Variants in TAPT1 observed in about 807,000 individuals in gnomAD.
TAPT1 encodes the protein transmembrane anterior posterior transformation protein 1 homolog.
TAPT1 carries 28 observed loss-of-function variants against 65.6 expected under a neutral mutation model. The ratio of observed to expected loss-of-function variants is 0.43; its 90% CI spans 0.32 to 0.59. TAPT1 has a LOEUF of 0.59. Among genes scored for constraint, TAPT1 ranks in the 20% least tolerant of loss-of-function variants. TAPT1 has a pLI of 0.09. For synonymous variants in TAPT1, 278 were observed against 245.2 expected (o/e 1.13, Z -1.25); for missense variants, 563 against 679.9 (o/e 0.83, Z 1.91).
In TAPT1 at chr4:16,226,269, C is replaced by A; in HGVS notation, c.189G>T (p.Arg63=). The change falls in exon 1 of 14, where the codon CGG becomes CGT. Residue 63 remains arginine, a synonymous_variant. Coordinates refer to ENST00000405303, the MANE Select transcript of TAPT1 (RefSeq NM_153365.3). ...CGCCGCCCGCCTCACCTGTGCGGCC[C>A]CGGCGCCTCTCCCGCCGCCGGTCGC... ...YESDRRRERR[R]GRTELSLLRF... is the part of the protein sequence containing the mutation. 1.8e-6 allele frequency: 2 copies of A among 1,124,602 alleles called. No individual in the cohort carries two copies. The highest frequency in any genetic ancestry group is 4.3e-5 in the South Asian group (1 of 23,472). The allele number at this position is 1,124,602 out of a possible 1,614,324, so 69.7% of individuals were successfully genotyped here.
rs749192598 is a variant in TAPT1, at chr4:16,166,704, G to A, written c.1403C>T (p.Ser468Leu). 7 of 1,613,828 alleles carry A rather than the reference G, an allele frequency of 4.3e-6. No individual in the cohort carries two copies. Among genetic ancestry groups the A allele is most frequent in the African/African-American group, 2.7e-5 (2 of 74,902 alleles). Residue 468 changes from serine (S) to leucine (L), a missense_variant, in exon 13 of 14, where the codon TCG becomes TTG. By Grantham distance (145) the Ser-to-Leu change is moderately radical. Coordinates refer to ENST00000405303, the MANE Select transcript of TAPT1 (RefSeq NM_153365.3). ...VKEAKMEEKL[S>L]NPPATCTPGK... ...TGGAGTGCAGGTTGCGGGAGGATTC[G>A]ACAGCTTCTCTTCCATTTTGGCTTC... is the stretch of plus-strand genomic sequence containing the variant.
At chr4:16,226,626 GGCCGCTGCCGCC>G, upstream of TAPT1, 1 of 256,668 alleles carries the variant, frequency 3.9e-6, no homozygotes, top group Non-Finnish European at 6.1e-6. Context: ...ACGCGTGTGA[GGCCGCTGCCGCC>G]GCCGCCGCCG....
chr4:16,172,347 C>A (rs1219449950), intron 11 of TAPT1, among the ~76,000 whole-genome samples: 4 of 150,250 alleles, frequency 2.7e-5, no homozygotes, highest in African/African-American at 7.4e-5. Context: ...ACCATCTGAC[C>A]AATCCTTACA....
Position 16,179,665 on chromosome 4 carries a change from A to G in TAPT1, c.917-8T>C. 1 of 1,463,966 alleles carries G rather than the reference A, an allele frequency of 6.8e-7. No homozygotes were observed. The highest frequency in any genetic ancestry group is 9.2e-7 in the Non-Finnish European group (1 of 1,081,730). The allele number at this position is 1,463,966 out of a possible 1,614,324, so 90.7% of individuals were successfully genotyped here. A position where few individuals can be genotyped will look rare whatever the true frequency, so the allele number is the denominator to read the frequency against. ...TGAATCGTTCCTTAATATCTAAAAG[A>G]AAAAAAATCAACATAAGTACTGTAG... On this transcript the variant is annotated splice_polypyrimidine_tract_variant and splice_region_variant and intron_variant, in intron 7 of 13. Coordinates refer to ENST00000405303, the MANE Select transcript of TAPT1 (RefSeq NM_153365.3).
chr4:16,166,291 C>T (rs564445759), intron 13 of TAPT1, among the ~76,000 whole-genome samples: 1 of 152,356 alleles, frequency 6.6e-6, no homozygotes, highest in Non-Finnish European at 1.5e-5. Flanking sequence ...CTCTGCAGTT[C>T]CCCGTCACTT....
intron 7 of TAPT1, among the ~76,000 whole-genome samples, chr4:16,182,559 A>T (rs530019965): frequency 6.6e-6 from 1 of 152,366 alleles, no homozygotes; most frequent in South Asian, 2.1e-4. Flanking sequence ...AAAATGAGTG[A>T]CTATTTCCAA....
chr4:16,173,324 T>C (rs1413886925), intron 11 of TAPT1, among the ~76,000 whole-genome samples: 1 of 152,170 alleles, frequency 6.6e-6, no homozygotes, highest in African/African-American at 2.4e-5. Flanking sequence ...TGCAAGCCTG[T>C]TGTGGGCAAT....
chr4:16,187,443 T>C (rs1432164627), intron 5 of TAPT1, among the ~76,000 whole-genome samples: 1 of 152,226 alleles, frequency 6.6e-6, no homozygotes, highest in Non-Finnish European at 1.5e-5. Context: ...ATTATATTTG[T>C]ATTACATACA....
chr4:16,212,046 T>C (rs1313107820), intron 2 of TAPT1, among the ~76,000 whole-genome samples: 2 of 152,240 alleles, frequency 1.3e-5, no homozygotes, highest in Admixed American at 6.5e-5. Context: ...AGCCTGTCTC[T>C]GCTGAGGTAA....
At chr4:16,190,634 C>T (rs549948600) in intron 4 of TAPT1, 7 of 154,514 alleles carry the variant, frequency 4.5e-5, no homozygotes, top group Middle Eastern at 6.0e-4. Flanking sequence ...GCCACCGTGC[C>T]GGCCTGCAAT....
chr4:16,167,932 A>G (rs1223413519), intron 12 of TAPT1, among the ~76,000 whole-genome samples: 2 of 152,188 alleles, frequency 1.3e-5, no homozygotes, highest in Non-Finnish European at 2.9e-5. Flanking sequence ...GTTTCTGATT[A>G]AGAAAACACA....
intron 11 of TAPT1, among the ~76,000 whole-genome samples, chr4:16,173,641 G>C (rs1024355609): frequency 2.0e-5 from 3 of 152,200 alleles, no homozygotes; most frequent in African/African-American, 7.2e-5. Context: ...ACCACTGATA[G>C]AGAATATGTC....
At chr4:16,213,708 ATAAT>A in intron 2 of TAPT1, 56 bp downstream of exon 2, 1 of 1,423,346 alleles carries the variant, frequency 7.0e-7, no homozygotes, top group South Asian at 1.6e-5. Context: ...ATTTTTTTGC[ATAAT>A]TAATACTTTG....
At chr4:16,226,102 G>GGCAGCCTCC in intron 1 of TAPT1, 157 bp downstream of exon 1, 1 of 1,025,094 alleles carries the variant, frequency 9.8e-7, no homozygotes, top group Non-Finnish European at 1.2e-6. Context: ...GCGGAGCCTC[G>GGCAGCCTCC]GCAGCCTCGG....
At position 16,163,398 on chromosome 4, in the gene TAPT1, C is replaced by T. The variant is rs761955333; in HGVS notation, c.1614G>A (p.Thr538=). 6.8e-6 allele frequency: 11 copies of T among 1,613,772 alleles called. No homozygotes were observed. Among genetic ancestry groups the T allele is most frequent in the South Asian group, 3.3e-5 (3 of 91,072 alleles). Residue 538 remains threonine (T), a synonymous_variant, in exon 14 of 14, where the codon ACG becomes ACA. Transcript: ENST00000405303. ...TGTGTTTTAATTCAGAATTGTCCTG[C>T]GTTATGTCCTTCTCGTCACCATCTG... ...TTPDGDEKDI[T]QDNSELKHRS...
Position 16,170,680 on chromosome 4 carries a change from T to C in TAPT1, c.1286A>G (p.Tyr429Cys), listed in dbSNP as rs1300553738. ...AAAATAGAAGAGTATGACACAGGCA[T>C]AAGACAGGATTCCTTGCACTTTAAT... is the stretch of plus-strand genomic sequence containing the variant. The part of the protein sequence containing the change: ...SSIKVQGILS[Y>C]ACVILFYFGL... Residue 429 changes from tyrosine to cysteine, a missense_variant, in exon 12 of 14, where the codon TAT becomes TGT. Tyr to Cys is a radical substitution (Grantham distance 194, BLOSUM62 -2). Coordinates refer to ENST00000405303, the MANE Select transcript of TAPT1 (RefSeq NM_153365.3). 4 of 1,613,682 alleles carry C rather than the reference T, an allele frequency of 2.5e-6. No homozygotes were observed. The highest frequency in any genetic ancestry group is 1.1e-5 in the South Asian group (1 of 91,048).
intron 7 of TAPT1, among the ~76,000 whole-genome samples, chr4:16,181,426 C>G (rs1266101857): frequency 6.6e-6 from 1 of 152,104 alleles, no homozygotes; most frequent in Non-Finnish European, 1.5e-5. Context: ...TCTAACAAAG[C>G]AAAACTACCA....
At chr4:16,199,288 G>A (rs2037714968) in intron 3 of TAPT1, among the ~76,000 whole-genome samples, 1 of 152,130 alleles carries the variant, frequency 6.6e-6, no homozygotes, top group Non-Finnish European at 1.5e-5. Context: ...AGTGTTTGCA[G>A]GGGAAATCCT....
chr4:16,215,961 G>A (rs1406881508), intron 1 of TAPT1: 1 of 152,198 alleles, frequency 6.6e-6, no homozygotes, highest in Admixed American at 6.5e-5. Context: ...AGGAAAAAAA[G>A]TATGTTTTGA....
Sources: allele counts gnomAD v4.1 joint callset (sites outside exome capture counted in the v4.1 genomes callset), GRCh38; gene constraint gnomAD v4.1.1; transcripts MANE v1.5; gene names NCBI Gene and HGNC (gene_info 2026-07-23, HGNC 2026-07-21).